Variants in TBC1D16 observed in about 807,000 individuals in gnomAD.
The protein encoded by TBC1D16 is CTD-2529O21.1.
TBC1D16 carries 58 observed loss-of-function variants against 74.7 expected under a neutral mutation model. The ratio of observed to expected loss-of-function variants is 0.78; its 90% confidence interval spans 0.63 to 0.97. The LOEUF is 0.97. TBC1D16 is among the 50% of genes least tolerant of loss of function. TBC1D16 has a pLI of 0.00. For missense variants in TBC1D16, 1,014 were observed against 1,079.5 expected (o/e 0.94, Z 0.85); for synonymous variants, 493 against 474.7 (o/e 1.04, Z -0.50).
chr17:80,016,585 T>C (rs937899315), intron 1 of TBC1D16, among the ~76,000 whole-genome samples: 1 of 104,690 alleles, frequency 9.6e-6, no homozygotes, highest in African/African-American at 3.8e-5. Flanking sequence ...CCTCCAGCAC[T>C]TGGCTAGGCT....
chr17:80,028,689 T>C (rs1260007349), intron 1 of TBC1D16, among the ~76,000 whole-genome samples: 2 of 147,840 alleles, frequency 1.4e-5, no homozygotes, highest in Admixed American at 1.4e-4. Flanking sequence ...AGTGGCGCAA[T>C]CTAAGGTCAC....
rs1288728116 is a variant in TBC1D16, at chr17:79,945,001, G to C, written c.1815C>G (p.Leu605=). ...ACAGAAGGAGCCAGCGGTGGCAGAAGAGCATCTGCAGGCCGTCCTCGCCCA... is the reference window on the plus strand; with the variant it reads ...ACAGAAGGAGCCAGCGGTGGCAGAACAGCATCTGCAGGCCGTCCTCGCCCA... The part of the protein sequence containing the change: ...VSLGEDGLQM[L]FCHRWLLLCF... The change falls in exon 10 of 12, where the codon CTC becomes CTG. Residue 605 remains leucine (L), a synonymous_variant. Coordinates refer to ENST00000310924, the MANE Select transcript of TBC1D16 (RefSeq NM_019020.4). 3 of 1,575,542 alleles carry C rather than the reference G, an allele frequency of 1.9e-6. No homozygotes were observed. The African/African-American group carries it at 4.0e-5, about 21-fold the overall frequency.
rs193203171 is a variant in TBC1D16, at chr17:79,973,301, G to A, written c.780-20483C>T. 6.3e-4 allele frequency among the ~76,000 whole-genome samples: 96 copies of A among 152,216 alleles called. 1 individual carries two copies. In the East Asian group the frequency reaches 8.5e-3, roughly 13 times the overall value. ...TAATAAAATAGAAGTGGCTGGGCGCGGTGGCTCATGCCTGTAATCCCAGCA... is the reference window on the plus strand; with the variant it reads ...TAATAAAATAGAAGTGGCTGGGCGCAGTGGCTCATGCCTGTAATCCCAGCA... On this transcript the variant is annotated intron_variant, in intron 3 of 11. Transcript: ENST00000310924.
chr17:79,963,799 G>T (rs1322150501), intron 3 of TBC1D16, among the ~76,000 whole-genome samples: 1 of 152,126 alleles, frequency 6.6e-6, no homozygotes, highest in Admixed American at 6.6e-5. Context: ...GTATTTCATT[G>T]GAGTTTTGAT....
At chr17:79,958,600 C>T (rs1274446213) in intron 3 of TBC1D16, among the ~76,000 whole-genome samples, 1 of 152,204 alleles carries the variant, frequency 6.6e-6, no homozygotes, top group African/African-American at 2.4e-5. Context: ...TTTTCACTTC[C>T]ATTCCTAGGA....
intron 3 of TBC1D16, among the ~76,000 whole-genome samples, chr17:79,965,374 G>A (rs1181661470): frequency 4.6e-5 from 7 of 151,950 alleles, no homozygotes; most frequent in East Asian, 1.9e-4. Context: ...GAGCCACCGC[G>A]CCTGGCCTGT....
intron 3 of TBC1D16, among the ~76,000 whole-genome samples, chr17:79,964,718 T>C (rs928423823): frequency 3.3e-5 from 5 of 152,224 alleles, no homozygotes; most frequent in Non-Finnish European, 5.9e-5. Context: ...TGCTAAATTT[T>C]CAACCATAGG....
At position 79,977,298 on chromosome 17, in the gene TBC1D16, A is replaced by G. The variant is rs536964456; in HGVS notation, c.780-24480T>C. On this transcript the variant is annotated intron_variant, in intron 3 of 11. Coordinates refer to ENST00000310924, the MANE Select transcript of TBC1D16 (RefSeq NM_019020.4). ...CGGTGCACAGGGACGTGCAGGTCAC[A>G]CAGATTACAAGGCTGAGGAGGGGAT... Among the ~76,000 whole-genome samples, 16 of 152,224 alleles carry G rather than the reference A, an allele frequency of 1.1e-4. No homozygotes were observed. In the East Asian group the frequency reaches 3.1e-3, roughly 29 times the overall value.
chr17:80,034,527 T>C (rs950536816), intron 1 of TBC1D16, among the ~76,000 whole-genome samples: 7 of 152,194 alleles, frequency 4.6e-5, no homozygotes, highest in African/African-American at 1.4e-4. Flanking sequence ...ATAAAAACTT[T>C]CGTTAGCCAT....
chr17:79,947,352 C>T (rs1351961129), intron 9 of TBC1D16, among the ~76,000 whole-genome samples: 4 of 152,218 alleles, frequency 2.6e-5, no homozygotes, highest in Non-Finnish European at 5.9e-5. Context: ...GGTGCCACGT[C>T]TTCCTTGCCA....
intron 3 of TBC1D16, among the ~76,000 whole-genome samples, chr17:80,002,263 AG>A (rs564474316): frequency 7.9e-5 from 12 of 152,312 alleles, no homozygotes; most frequent in African/African-American, 2.9e-4. Flanking sequence ...GTAGGAGGAC[AG>A]GGGCCATTAC....
At chr17:79,948,726 C>G in intron 8 of TBC1D16, 146 bp downstream of exon 8, 1 of 1,111,396 alleles carries the variant, frequency 9.0e-7, no homozygotes, top group Non-Finnish European at 1.3e-6. Context: ...TCATGAGTAG[C>G]GTATCCTTCA....
At position 80,007,017 on chromosome 17, in the gene TBC1D16, A is replaced by G. The variant is rs1239311160; in HGVS notation, c.779+3143T>C. Among the ~76,000 whole-genome samples the G allele has an allele frequency of 6.6e-6, 1 of 151,864 alleles. No homozygotes were observed. The highest frequency in any genetic ancestry group is 1.9e-4 in the East Asian group (1 of 5,192). ...GCTCTCAGCAGTCTGTCTTGGAGAC[A>G]GGCTGTTTTCACTCCAGCCTTGCAC... is the stretch of plus-strand genomic sequence containing the variant. On this transcript the variant is annotated intron_variant, in intron 3 of 11. Coordinates refer to ENST00000310924, the MANE Select transcript of TBC1D16 (RefSeq NM_019020.4). This position sits in a 1 kb window ranked among gnomAD's most constrained non-coding sequence, Gnocchi z 4.5.
At position 79,988,944 on chromosome 17, in the gene TBC1D16, C is replaced by T. The variant is rs1227787760; in HGVS notation, c.779+21216G>A. 6.6e-6 allele frequency among the ~76,000 whole-genome samples: 1 copy of T among 152,206 alleles called. No individual in the cohort carries two copies. ...CCCCAGGCCCTCCCTCAGGACCCAGCACCTTCAGTCCTCCTGCCGAGAAGA... is the reference window on the plus strand; with the variant it reads ...CCCCAGGCCCTCCCTCAGGACCCAGTACCTTCAGTCCTCCTGCCGAGAAGA... On this transcript the variant is annotated intron_variant, in intron 3 of 11. Coordinates refer to ENST00000310924, the MANE Select transcript of TBC1D16 (RefSeq NM_019020.4). This position sits in a 1 kb window ranked among gnomAD's most constrained non-coding sequence, Gnocchi z 5.7.
intron 3 of TBC1D16, among the ~76,000 whole-genome samples, chr17:79,998,826 G>GTATGTT (rs570704992): frequency 7.9e-5 from 12 of 152,100 alleles, no homozygotes; most frequent in Non-Finnish European, 1.2e-4. Flanking sequence ...TATGAATGAA[G>GTATGTT]TGGTTACAAA....
chr17:80,029,216 G>A (rs867482662), intron 1 of TBC1D16, among the ~76,000 whole-genome samples: 1 of 152,232 alleles, frequency 6.6e-6, no homozygotes, highest in African/African-American at 2.4e-5. Context: ...TCCAGGACGA[G>A]AGCGCTTTGA....
In TBC1D16 at chr17:80,008,804, G is replaced by A. The variant is rs889746853; in HGVS notation, c.779+1356C>T. Among the ~76,000 whole-genome samples the A allele has an allele frequency of 2.0e-5, 3 of 152,194 alleles. No homozygotes were observed. The highest frequency in any genetic ancestry group is 4.4e-5 in the Non-Finnish European group (3 of 68,018). Reference sequence around the variant, plus strand: ...GTTCACCCTGGGGCTCTAATGGACTGCATCTTTACTGGAGGGATAAAATCA... The same window carrying A: ...GTTCACCCTGGGGCTCTAATGGACTACATCTTTACTGGAGGGATAAAATCA... On this transcript the variant is annotated intron_variant, in intron 3 of 11. Coordinates refer to ENST00000310924, the MANE Select transcript of TBC1D16 (RefSeq NM_019020.4). This position sits in a 1 kb window ranked among gnomAD's most constrained non-coding sequence, Gnocchi z 4.5.
intron 1 of TBC1D16, among the ~76,000 whole-genome samples, chr17:80,023,669 C>G (rs1055982434): frequency 6.7e-6 from 1 of 148,962 alleles, no homozygotes; most frequent in South Asian, 2.1e-4. Context: ...CCCCCCCCAC[C>G]GGCTCAGGGC....
At chr17:79,949,347 G>A (rs1300903488) in intron 7 of TBC1D16, among the ~76,000 whole-genome samples, 4 of 152,240 alleles carry the variant, frequency 2.6e-5, no homozygotes, top group African/African-American at 7.2e-5. Flanking sequence ...TGGAGAGAGA[G>A]CTGAGCCCAG....
Sources: gnomAD v4.1 joint callset for allele counts (sites outside exome capture counted in the v4.1 genomes callset) on GRCh38, gnomAD v4.1.1 for gene constraint, Gnocchi (gnomAD v3.1) non-coding constraint, MANE v1.5 for transcripts, NCBI Gene and HGNC (gene_info 2026-07-23, HGNC 2026-07-21) for gene names.